ARNT2: variants seen among roughly 807,000 people sequenced by gnomAD.
ARNT2 encodes the protein ARNT protein 2.
In ARNT2, 36 loss-of-function variants were observed where a neutral mutation model predicts 91.7. The observed-to-expected ratio is 0.39, with a 90% CI of 0.30 to 0.52. ARNT2 has a LOEUF of 0.52. ARNT2 is among the 20% of genes least tolerant of loss of function. The pLI is 0.72. For missense variants in ARNT2, 775 were observed against 939.3 expected, an observed-to-expected ratio of 0.83 and a Z score of 2.29; for synonymous variants, 365 against 347.1, an observed-to-expected ratio of 1.05 and a Z score of -0.57.
chr15:80,497,545 T>A (rs187399139), intron 5 of ARNT2, among the ~76,000 whole-genome samples: 1 of 152,366 alleles, frequency 6.6e-6, no homozygotes, highest in East Asian at 1.9e-4. Flanking sequence ...CACCTCGATC[T>A]TGTCCTTATG....
chr15:80,501,980 C>A (rs1478247037), intron 5 of ARNT2, among the ~76,000 whole-genome samples: 2 of 152,202 alleles, frequency 1.3e-5, no homozygotes, highest in Non-Finnish European at 2.9e-5. Flanking sequence ...ACAATATCTG[C>A]TTCCACAGCT....
chr15:80,483,406 A>G (rs1021629459), intron 5 of ARNT2, among the ~76,000 whole-genome samples: 2 of 152,194 alleles, frequency 1.3e-5, no homozygotes, highest in African/African-American at 4.8e-5. Context: ...CAACTGCCCT[A>G]CTTGTGTTTG....
intron 8 of ARNT2, among the ~76,000 whole-genome samples, chr15:80,516,702 C>G (rs1897438750): frequency 6.6e-6 from 1 of 151,414 alleles, no homozygotes; most frequent in African/African-American, 2.4e-5. Flanking sequence ...ACCATGTTTT[C>G]TATTCATTGC....
chr15:80,546,946 G>C (rs1898000137), intron 8 of ARNT2, among the ~76,000 whole-genome samples: 1 of 150,968 alleles, frequency 6.6e-6, no homozygotes. Context: ...CTGGGCGACA[G>C]AGTGAAACTC....
At chr15:80,549,828 C>A (rs1230550243) in intron 8 of ARNT2, among the ~76,000 whole-genome samples, 2 of 152,140 alleles carry the variant, frequency 1.3e-5, no homozygotes, top group African/African-American at 4.8e-5. Flanking sequence ...ACCTTTTGAC[C>A]CAGCAATCCC....
At chr15:80,528,929 G>T (rs1237492878) in intron 8 of ARNT2, among the ~76,000 whole-genome samples, 2 of 152,136 alleles carry the variant, frequency 1.3e-5, no homozygotes, top group African/African-American at 4.8e-5. Context: ...AAACAGGTTT[G>T]CCATTTCCAA....
At chr15:80,585,048 G>GAA (rs1214962088) in intron 17 of ARNT2, among the ~76,000 whole-genome samples, 2 of 152,214 alleles carry the variant, frequency 1.3e-5, no homozygotes, top group African/African-American at 4.8e-5. Context: ...GCCCCTGCCT[G>GAA]GGTCTCAGCC....
At chr15:80,509,012 T>C (rs1175051115) in intron 6 of ARNT2, among the ~76,000 whole-genome samples, 2 of 152,158 alleles carry the variant, frequency 1.3e-5, no homozygotes, top group Non-Finnish European at 2.9e-5. Flanking sequence ...TTGAGATTGT[T>C]TGGGCTGTGG....
At chr15:80,410,595 G>A (rs988753649) in intron 1 of ARNT2, among the ~76,000 whole-genome samples, 13 of 152,164 alleles carry the variant, frequency 8.5e-5, no homozygotes, top group Non-Finnish European at 1.8e-4. Context: ...CTTGGGGTAA[G>A]TTAGTTCACA....
chr15:80,575,138 TGA>T (rs960910950), intron 14 of ARNT2, 28 bp downstream of exon 14: 6 of 1,610,422 alleles, frequency 3.7e-6, no homozygotes, highest in Non-Finnish European at 5.1e-6. Flanking sequence ...ACTGAGGTTT[TGA>T]GAGTGTGGGT....
At chr15:80,573,942 G>C (rs1476966079) in intron 12 of ARNT2, 1 of 561,346 alleles carries the variant, frequency 1.8e-6, no homozygotes, top group African/African-American at 1.9e-5. Context: ...TTCTTAAATA[G>C]TTGAGTTTGG....
chr15:80,543,647 A>T (rs565287430), intron 8 of ARNT2, among the ~76,000 whole-genome samples: 1 of 152,140 alleles, frequency 6.6e-6, no homozygotes, highest in South Asian at 2.1e-4. Context: ...GAACATTTTT[A>T]TTACTTTCTA....
intron 11 of ARNT2, among the ~76,000 whole-genome samples, chr15:80,557,897 G>A (rs556347655): frequency 3.9e-5 from 6 of 152,108 alleles, no homozygotes; most frequent in South Asian, 2.1e-4. Context: ...GTTTTGCCAC[G>A]TCTTTACTTA....
intron 2 of ARNT2, among the ~76,000 whole-genome samples, chr15:80,455,224 T>C (rs1235099467): frequency 1.3e-5 from 2 of 152,178 alleles, no homozygotes; most frequent in African/African-American, 2.4e-5. Flanking sequence ...TTGTTTTCCA[T>C]GTTGCTGATG....
chr15:80,483,460 G>C (rs1244292695), intron 5 of ARNT2, among the ~76,000 whole-genome samples: 2 of 152,226 alleles, frequency 1.3e-5, no homozygotes, highest in African/African-American at 4.8e-5. Flanking sequence ...GCAGCTAGAA[G>C]TGTAGCTCTG....
chr15:80,442,548 A>C (rs138417179), intron 1 of ARNT2, among the ~76,000 whole-genome samples: 10 of 152,320 alleles, frequency 6.6e-5, no homozygotes, highest in African/African-American at 2.4e-4. Flanking sequence ...TGAAACAGAG[A>C]CCACTTTCTC....
At chr15:80,575,250 G>A (rs1898653739) in intron 14 of ARNT2, 140 bp downstream of exon 14, 7 of 1,167,172 alleles carry the variant, frequency 6.0e-6, no homozygotes, top group South Asian at 1.6e-5. Context: ...AAAAATACAC[G>A]AGTTGGAATG....
chr15:80,535,119 C>T lies in ARNT2; in HGVS notation c.878-16080C>T, dbSNP rs575615736. Among the ~76,000 whole-genome samples the T allele has an allele frequency of 1.1e-4, 16 of 152,270 alleles. No homozygotes were observed. In the South Asian group the frequency reaches 2.3e-3, roughly 22 times the overall value. ...GTAGGATCAAGAGATAATGGACTAC[C>T]GCAGACATCTGGGAGCAAGGATCCA... On this transcript the variant is annotated intron_variant, in intron 8 of 18. Transcript: ENST00000303329.
At chr15:80,563,762 G>A (rs1224228144) in intron 12 of ARNT2, among the ~76,000 whole-genome samples, 2 of 152,170 alleles carry the variant, frequency 1.3e-5, no homozygotes, top group Non-Finnish European at 2.9e-5. Flanking sequence ...CCCAGGGTCC[G>A]AGGATCCCAA....
Sources: gnomAD v4.1 joint callset for allele counts (sites outside exome capture counted in the v4.1 genomes callset) on GRCh38, gnomAD v4.1.1 for gene constraint, MANE v1.5 for transcripts, NCBI Gene and HGNC (gene_info 2026-07-23, HGNC 2026-07-21) for gene names.